Variants in ZC3H12B observed in about 807,000 individuals in gnomAD.
ZC3H12B encodes the protein zinc finger CCCH-type containing 12B.
In ZC3H12B, 7 loss-of-function variants were observed where a neutral mutation model predicts 43.9. The ratio of observed to expected loss-of-function variants is 0.16; its 90% CI spans 0.09 to 0.30. The LOEUF is 0.30. Among genes scored for constraint, ZC3H12B ranks in the 10% least tolerant of loss-of-function variants. The pLI is 1.00. For missense variants in ZC3H12B, 475 were observed against 670.2 expected (o/e 0.71, Z 3.22); for synonymous variants, 222 against 241.7 (o/e 0.92, Z 0.76).
chrX:65,099,301 T>C, the ZC3H12B span, among the ~76,000 whole-genome samples: 1 of 111,801 alleles, frequency 8.9e-6, no homozygotes, highest in Non-Finnish European at 1.9e-5. Flanking sequence ...CGGACTTAAA[T>C]GTTCCTGCCT....
the ZC3H12B span, among the ~76,000 whole-genome samples, chrX:65,144,484 T>A: frequency 8.9e-6 from 1 of 111,873 alleles, no homozygotes; most frequent in Non-Finnish European, 1.9e-5. Context: ...CCTGCTCCGA[T>A]CTTGGTTATT....
At chrX:65,211,676 T>C in the ZC3H12B span, among the ~76,000 whole-genome samples, 1 of 89,635 alleles carries the variant, frequency 1.1e-5, no homozygotes, top group Non-Finnish European at 2.1e-5. Context: ...ATATATTATA[T>C]AATTATATAT....
the ZC3H12B span, among the ~76,000 whole-genome samples, chrX:65,184,537 G>A: frequency 3.6e-5 from 4 of 111,713 alleles, no homozygotes; most frequent in South Asian, 1.5e-3. Context: ...AGTAAAAAGG[G>A]CAGTCAGAGA....
At chrX:65,232,043 G>A in the ZC3H12B span, among the ~76,000 whole-genome samples, 2 of 107,110 alleles carry the variant, frequency 1.9e-5, no homozygotes, top group South Asian at 8.4e-4. Flanking sequence ...AAACCATCCT[G>A]GCTAACATGG....
the ZC3H12B span, among the ~76,000 whole-genome samples, chrX:65,135,357 T>A: frequency 9.0e-6 from 1 of 110,868 alleles, no homozygotes; most frequent in Non-Finnish European, 1.9e-5. Flanking sequence ...GTTGTTGTTT[T>A]TTTTTTCCTG....
At chrX:65,470,184 G>A (rs1290181535) in intron 3 of ZC3H12B, 1 of 119,655 alleles carries the variant, frequency 8.4e-6, no homozygotes, top group African/African-American at 3.3e-5. Flanking sequence ...CCTGATGTGA[G>A]CCTACTTTGG....
the ZC3H12B span, among the ~76,000 whole-genome samples, chrX:65,283,280 A>T: frequency 6.2e-5 from 7 of 112,213 alleles, no homozygotes; most frequent in African/African-American, 2.3e-4. Flanking sequence ...ACAGCCCTTC[A>T]TGCTGAAAAC....
At chrX:65,256,883 C>T in the ZC3H12B span, among the ~76,000 whole-genome samples, 1 of 112,054 alleles carries the variant, frequency 8.9e-6, no homozygotes, top group Non-Finnish European at 1.9e-5. Flanking sequence ...CAGAGAAATG[C>T]AAATCAAAAC....
the ZC3H12B span, among the ~76,000 whole-genome samples, chrX:65,145,125 C>T: frequency 1.8e-5 from 2 of 111,154 alleles, no homozygotes; most frequent in Non-Finnish European, 1.9e-5. Flanking sequence ...TACTATTAAT[C>T]GTTTTATAAA....
upstream of ZC3H12B, chrX:65,488,675 A>C (rs1306294852): frequency 2.4e-6 from 2 of 850,353 alleles, no homozygotes; most frequent in South Asian, 2.8e-5. Context: ...ATACCAAACC[A>C]CACAGTCAAA....
chrX:65,249,440 A>T, the ZC3H12B span, among the ~76,000 whole-genome samples: 1 of 112,252 alleles, frequency 8.9e-6, no homozygotes, highest in Non-Finnish European at 1.9e-5. Context: ...TACCAGTAAC[A>T]TGCTGTTTTG....
chrX:65,421,402 C>A (rs1308654755), intron 3 of ZC3H12B, among the ~76,000 whole-genome samples: 1 of 112,210 alleles, frequency 8.9e-6, no homozygotes, highest in African/African-American at 3.2e-5. Flanking sequence ...GCCATAGAGA[C>A]CAACCCTGAG....
the ZC3H12B span, among the ~76,000 whole-genome samples, chrX:65,228,328 C>T: frequency 8.9e-6 from 1 of 111,818 alleles, no homozygotes; most frequent in Non-Finnish European, 1.9e-5. Flanking sequence ...TGACAAAATT[C>T]AACAACACTT....
the ZC3H12B span, among the ~76,000 whole-genome samples, chrX:65,211,441 C>T: frequency 1.9e-5 from 2 of 107,537 alleles, no homozygotes; most frequent in Admixed American, 2.1e-4. Context: ...ATGTTCTAGG[C>T]ACCATGCTAA....
intron 3 of ZC3H12B, among the ~76,000 whole-genome samples, chrX:65,433,141 A>G (rs984477146): frequency 7.1e-5 from 8 of 112,759 alleles, no homozygotes; most frequent in African/African-American, 2.6e-4. Flanking sequence ...TGTAGCAATA[A>G]AACCACATCT....
the ZC3H12B span, among the ~76,000 whole-genome samples, chrX:65,064,486 T>C: frequency 5.3e-5 from 6 of 112,310 alleles, no homozygotes; most frequent in African/African-American, 1.9e-4. Flanking sequence ...TAATCTTGAG[T>C]TCTAAATTGA....
chrX:65,316,016 T>C, the ZC3H12B span, among the ~76,000 whole-genome samples: 2 of 111,527 alleles, frequency 1.8e-5, no homozygotes, highest in Non-Finnish European at 3.8e-5. Flanking sequence ...CTTCAAGAAT[T>C]TAATAATATA....
chrX:65,424,147 A>G (rs778558205), intron 3 of ZC3H12B, among the ~76,000 whole-genome samples: 2 of 112,066 alleles, frequency 1.8e-5, no homozygotes, highest in East Asian at 5.6e-4. Context: ...AACTGTTTTA[A>G]TAACAGCCAT....
chrX:65,219,799 TACACACACATACAC>T, the ZC3H12B span, among the ~76,000 whole-genome samples: 1 of 60,508 alleles, frequency 1.7e-5, no homozygotes, highest in Admixed American at 1.6e-4. Flanking sequence ...GAAGCATACA[TACACACACATACAC>T]ACACACACAC....
Sources: gnomAD v4.1 joint callset for allele counts (sites outside exome capture counted in the v4.1 genomes callset) on GRCh38, gnomAD v4.1.1 for gene constraint, MANE v1.5 for transcripts, NCBI Gene and HGNC (gene_info 2026-07-23, HGNC 2026-07-21) for gene names.